Variants in TENM3 observed in about 807,000 individuals in gnomAD.
The protein encoded by TENM3 is teneurin transmembrane protein 3.
In TENM3, 63 loss-of-function variants were observed where a neutral mutation model predicts 255.1. The observed-to-expected ratio is 0.25, with a 90% CI of 0.20 to 0.30. The LOEUF (loss-of-function observed/expected upper bound fraction) is 0.30, where lower values mean the gene tolerates loss of function less well. TENM3 is among the 10% of genes least tolerant of loss of function. The probability of loss-of-function intolerance (pLI) is 1.00; values close to 1 mark genes in which losing one functional copy is unlikely to be tolerated. For synonymous variants in TENM3, 1,306 were observed against 1,322.3 expected (o/e 0.99, Z 0.27); for missense variants, 2,929 against 3,461.1 (o/e 0.85, Z 3.86).
the TENM3 span, among the ~76,000 whole-genome samples, chr4:181,463,439 G>A: frequency 6.6e-6 from 1 of 152,046 alleles, no homozygotes; most frequent in Non-Finnish European, 1.5e-5. Context: ...GGCTGCATTA[G>A]GCTTACTTAC....
chr4:182,194,391 C>T (rs1375034864), intron 1 of TENM3, among the ~76,000 whole-genome samples: 3 of 152,088 alleles, frequency 2.0e-5, no homozygotes, highest in East Asian at 3.8e-4. Context: ...TAATGGAATT[C>T]GCAGGGTTAC....
chr4:181,486,906 C>T, the TENM3 span, among the ~76,000 whole-genome samples: 1 of 152,068 alleles, frequency 6.6e-6, no homozygotes, highest in South Asian at 2.1e-4. Context: ...ATATAATCTT[C>T]TAATAGAAAG....
At chr4:182,685,711 A>T (rs188272118) in intron 11 of TENM3, among the ~76,000 whole-genome samples, 133 of 152,200 alleles carry the variant, frequency 8.7e-4, no homozygotes, top group Admixed American at 2.7e-3. Context: ...GCATATTAAG[A>T]CTAGCTGTAG....
rs10531343 is a variant in TENM3, at chr4:182,453,026, G to GTATA, written c.511+106111_511+106114dup. Among the ~76,000 whole-genome samples the GTATA allele has an allele frequency of 2.4e-3, 359 of 150,454 alleles. 1 individual carries two copies. Among genetic ancestry groups the GTATA allele is most frequent in the Non-Finnish European group, 4.3e-3 (288 of 67,594 alleles). On this transcript the variant is annotated intron_variant, in intron 3 of 27. Transcript: ENST00000511685. ...TACTATAGAGATTATTTTTATATGT[G>GTATA]TATATATATATATATATGCATACAT...
the TENM3 span, among the ~76,000 whole-genome samples, chr4:181,474,739 CAA>C: frequency 7.3e-6 from 1 of 137,302 alleles, no homozygotes; most frequent in Non-Finnish European, 1.6e-5. Flanking sequence ...CGTCTCAAAA[CAA>C]AAAAAAAAAA....
At chr4:182,624,908 AG>A (rs1320618465) in intron 4 of TENM3, among the ~76,000 whole-genome samples, 1 of 152,234 alleles carries the variant, frequency 6.6e-6, no homozygotes, top group Non-Finnish European at 1.5e-5. Context: ...AGCACTTTGA[AG>A]AAAATGATAA....
At chr4:182,723,150 C>T (rs1759887614) in intron 13 of TENM3, among the ~76,000 whole-genome samples, 1 of 152,108 alleles carries the variant, frequency 6.6e-6, no homozygotes, top group African/African-American at 2.4e-5. Context: ...AATGACCAGC[C>T]TGGAGTCATT....
the TENM3 span, among the ~76,000 whole-genome samples, chr4:181,556,973 T>A: frequency 6.6e-6 from 1 of 152,180 alleles, no homozygotes; most frequent in African/African-American, 2.4e-5. Flanking sequence ...ACAGCCTTGA[T>A]GTAAAAAATC....
the TENM3 span, among the ~76,000 whole-genome samples, chr4:181,869,747 G>A: frequency 6.6e-6 from 1 of 152,050 alleles, no homozygotes; most frequent in African/African-American, 2.4e-5. Context: ...AGAAAAAAGG[G>A]ACAACCTAGT....
chr4:182,315,793 C>G (rs1002004529), intron 1 of TENM3, among the ~76,000 whole-genome samples: 5 of 152,060 alleles, frequency 3.3e-5, no homozygotes, highest in African/African-American at 1.2e-4. Context: ...TCCACCCATT[C>G]TTTTTCTGTG....
intron 12 of TENM3, among the ~76,000 whole-genome samples, chr4:182,693,793 A>G (rs1258360738): frequency 6.6e-6 from 1 of 152,214 alleles, no homozygotes; most frequent in African/African-American, 2.4e-5. Flanking sequence ...TATGTACTTC[A>G]TGGGATTATT....
chr4:182,790,380 C>A (rs1448413946), intron 25 of TENM3, among the ~76,000 whole-genome samples: 1 of 152,200 alleles, frequency 6.6e-6, no homozygotes, highest in Non-Finnish European at 1.5e-5. Flanking sequence ...GTGCTCCCCT[C>A]ACACAATCTT....
intron 3 of TENM3, among the ~76,000 whole-genome samples, chr4:182,598,389 G>A (rs1381487631): frequency 6.6e-6 from 1 of 152,148 alleles, no homozygotes; most frequent in Admixed American, 6.5e-5. Flanking sequence ...CAGACCATTG[G>A]CAAGAGCATG....
intron 3 of TENM3, among the ~76,000 whole-genome samples, chr4:182,436,868 A>G (rs1341451136): frequency 6.6e-6 from 1 of 151,990 alleles, no homozygotes; most frequent in African/African-American, 2.4e-5. Context: ...AAATACAAAA[A>G]TTAGCCAGGC....
At position 182,338,951 on chromosome 4, in the gene TENM3, A is replaced by G. The variant is rs115820419; in HGVS notation, c.233-7700A>G. Among the ~76,000 whole-genome samples the G allele has an allele frequency of 6.0e-3, 910 of 152,296 alleles. 7 individuals carry two copies. Among genetic ancestry groups the G allele is most frequent in the African/African-American group, 0.019 (787 of 41,562 alleles). The stretch of plus-strand genomic sequence containing the variant: ...TAATGGGAACTGATCCGAGACTTCA[A>G]AAGAAATATGACCATATGGTCCTAC... On this transcript the variant is annotated intron_variant, in intron 2 of 27. Coordinates refer to ENST00000511685, the MANE Select transcript of TENM3 (RefSeq NM_001080477.4).
At chr4:181,610,097 A>G in the TENM3 span, among the ~76,000 whole-genome samples, 19 of 152,222 alleles carry the variant, frequency 1.2e-4, no homozygotes, top group Non-Finnish European at 5.9e-5. Flanking sequence ...TGAAGACTTT[A>G]TGTGAAGTGA....
chr4:182,417,610 C>T (rs1028300048), intron 3 of TENM3, among the ~76,000 whole-genome samples: 11 of 152,116 alleles, frequency 7.2e-5, no homozygotes, highest in Non-Finnish European at 1.2e-4. Flanking sequence ...ATCTAATAAA[C>T]GGCTAAAAGT....
chr4:182,506,569 A>G (rs1231351930), intron 3 of TENM3, among the ~76,000 whole-genome samples: 1 of 152,176 alleles, frequency 6.6e-6, no homozygotes, highest in Non-Finnish European at 1.5e-5. Flanking sequence ...GATCTTATAT[A>G]CTGTATTAAA....
At chr4:182,698,242 C>T (rs928869597) in intron 12 of TENM3, 3 of 152,144 alleles carry the variant, frequency 2.0e-5, no homozygotes, top group African/African-American at 7.2e-5. Flanking sequence ...TTAAATACTA[C>T]CTGCCAAGGG....
Sources: allele counts gnomAD v4.1 joint callset (sites outside exome capture counted in the v4.1 genomes callset), GRCh38; gene constraint gnomAD v4.1.1; transcripts MANE v1.5; gene names NCBI Gene and HGNC (gene_info 2026-07-23, HGNC 2026-07-21).